NCOA1: variants seen among roughly 807,000 people sequenced by gnomAD.
NCOA1 encodes nuclear receptor coactivator 1, also known as Hin-2 protein.
In NCOA1, 35 loss-of-function variants were observed where a neutral mutation model predicts 150.9. The ratio of observed to expected loss-of-function variants is 0.23; its 90% CI spans 0.18 to 0.31. The LOEUF (loss-of-function observed/expected upper bound fraction) is 0.31. Ranked by LOEUF, NCOA1 falls within the 10% of genes least tolerant of loss-of-function variation. The pLI, the probability that NCOA1 is intolerant of heterozygous loss-of-function variation, is 1.00. For missense variants in NCOA1, 1,491 were observed against 1,749.3 expected, an observed-to-expected ratio of 0.85 and a Z score of 2.63; for synonymous variants, 590 against 630.0, an observed-to-expected ratio of 0.94 and a Z score of 0.95.
chr2:24,515,198 G>A, intron 1 of NCOA1, among the ~76,000 whole-genome samples: 1 of 152,026 alleles, frequency 6.6e-6, no homozygotes, highest in East Asian at 1.9e-4. Flanking sequence ...AACTTATTTT[G>A]GGGTCATTTA....
In NCOA1 at chr2:24,572,340, T is replaced by G. The variant is rs543953984; in HGVS notation, c.-260+7910T>G. Among the ~76,000 whole-genome samples the G allele has an allele frequency of 7.2e-5, 11 of 152,252 alleles. No individual in the cohort carries two copies. The South Asian group carries it at 2.1e-3, about 29-fold the overall frequency. ...CTGAGTTTGAGAAAGATTACTGACTTGAGTTGGTTTCCAAAAGAATACTTG... is the reference window on the plus strand; with the variant it reads ...CTGAGTTTGAGAAAGATTACTGACTGGAGTTGGTTTCCAAAAGAATACTTG... On this transcript the variant is annotated intron_variant, in intron 2 of 22. Transcript: ENST00000348332.
At chr2:24,593,015 A>T (rs56371233) in intron 3 of NCOA1, among the ~76,000 whole-genome samples, 4,195 of 152,136 alleles carry the variant, frequency 0.028, 62 homozygotes, top group African/African-American at 0.041. Context: ...TTCAAGATGG[A>T]TGAAGTCGTG....
At chr2:24,739,579 T>C (rs1433850461) in intron 18 of NCOA1, 46 bp downstream of exon 18, 6 of 1,401,952 alleles carry the variant, frequency 4.3e-6, no homozygotes, top group Middle Eastern at 1.8e-4. Context: ...TTAACCCACA[T>C]AGTGTTTCTT....
intron 3 of NCOA1, among the ~76,000 whole-genome samples, chr2:24,603,585 A>G (rs1024885176): frequency 1.3e-5 from 2 of 152,234 alleles, no homozygotes; most frequent in Admixed American, 6.5e-5. Flanking sequence ...AGTAGGTAAC[A>G]TCTTTAAAAA....
chr2:24,693,216 C>CT (rs1343951407), intron 9 of NCOA1, 36 bp from the exon 10 acceptor site: 2 of 1,574,206 alleles, frequency 1.3e-6, no homozygotes, highest in Admixed American at 3.3e-5. Flanking sequence ...ATTTTCTACT[C>CT]TCTATCCTTC....
chr2:24,506,962 A>C (rs568673343), intron 1 of NCOA1, among the ~76,000 whole-genome samples: 1 of 152,336 alleles, frequency 6.6e-6, no homozygotes, highest in East Asian at 1.9e-4. Context: ...TATTAAAACA[A>C]ACAGCTTTAT....
chr2:24,511,377 C>A (rs910508631), intron 1 of NCOA1, among the ~76,000 whole-genome samples: 1 of 152,166 alleles, frequency 6.6e-6, no homozygotes, highest in Non-Finnish European at 1.5e-5. Flanking sequence ...GTGGCTGCAC[C>A]ATTTTACATT....
intron 7 of NCOA1, among the ~76,000 whole-genome samples, chr2:24,678,891 C>A (rs1321569677): frequency 1.3e-5 from 2 of 152,262 alleles, no homozygotes; most frequent in Middle Eastern, 6.8e-3. Context: ...TTAATTAGAT[C>A]CTATTTGTTA....
intron 2 of NCOA1, among the ~76,000 whole-genome samples, chr2:24,576,170 G>GTTTTTTTTTT (rs869093026): frequency 8.6e-5 from 4 of 46,302 alleles, no homozygotes; most frequent in African/African-American, 1.9e-4. Context: ...TTTGTTTTTT[G>GTTTTTTTTTT]TTTTTTTTTT....
chr2:24,765,744 T>G (rs1173774380), intron 22 of NCOA1, among the ~76,000 whole-genome samples: 1 of 152,178 alleles, frequency 6.6e-6, no homozygotes, highest in Non-Finnish European at 1.5e-5. Flanking sequence ...ATCTGAAGCT[T>G]CTTTTGTGTC....
chr2:24,760,130 ACTTTTTTTTTTT>A (rs1317753772), intron 21 of NCOA1, among the ~76,000 whole-genome samples: 16 of 146,758 alleles, frequency 1.1e-4, no homozygotes, highest in African/African-American at 3.0e-4. Flanking sequence ...TCTTGCTTTA[ACTTTTTTTTTTT>A]CTTTTTTTTT....
At chr2:24,521,075 A>C (rs567109101) in intron 1 of NCOA1, among the ~76,000 whole-genome samples, 1 of 152,142 alleles carries the variant, frequency 6.6e-6, no homozygotes, top group African/African-American at 2.4e-5. Context: ...TCTTACCTTG[A>C]GTATCAAGGA....
intron 4 of NCOA1, among the ~76,000 whole-genome samples, chr2:24,646,092 C>A (rs1422940721): frequency 1.3e-5 from 2 of 152,122 alleles, no homozygotes; most frequent in Non-Finnish European, 2.9e-5. Flanking sequence ...CTAAGAAAGT[C>A]ATTTTCCTCA....
chr2:24,535,870 A>C (rs1665114915), intron 1 of NCOA1, among the ~76,000 whole-genome samples: 1 of 152,000 alleles, frequency 6.6e-6, no homozygotes, highest in Admixed American at 6.6e-5. Flanking sequence ...TTTCTCTTTG[A>C]CTGCCCTTAA....
At chr2:24,501,665 G>A (rs1663468148) in intron 1 of NCOA1, among the ~76,000 whole-genome samples, 1 of 152,136 alleles carries the variant, frequency 6.6e-6, no homozygotes, top group African/African-American at 2.4e-5. Context: ...TGGCTATCAT[G>A]ATTCTATACC....
chr2:24,517,609 C>G (rs543519067), intron 1 of NCOA1, among the ~76,000 whole-genome samples: 4 of 152,228 alleles, frequency 2.6e-5, no homozygotes, highest in East Asian at 3.9e-4. Flanking sequence ...ATTTATTTAT[C>G]TGGCTCAAAC....
At chr2:24,599,427 C>A (rs1434695851) in intron 3 of NCOA1, among the ~76,000 whole-genome samples, 1 of 152,168 alleles carries the variant, frequency 6.6e-6, no homozygotes, top group Non-Finnish European at 1.5e-5. Flanking sequence ...TCATCTCTCT[C>A]AGTATAGTCA....
At chr2:24,599,896 A>G (rs1200339116) in intron 3 of NCOA1, among the ~76,000 whole-genome samples, 2 of 151,760 alleles carry the variant, frequency 1.3e-5, no homozygotes, top group Admixed American at 6.6e-5. Flanking sequence ...ACGTCCGGCA[A>G]ATTTTTGTAT....
At position 24,739,632 on chromosome 2, in the gene NCOA1, T is replaced by C. The variant is rs1322703986; in HGVS notation, c.3303+99T>C. 6.2e-6 allele frequency: 5 copies of C among 811,740 alleles called. No individual in the cohort carries two copies. In the East Asian group the frequency reaches 7.7e-5, roughly 13 times the overall value. 50.3% of individuals were successfully genotyped at this position (811,740 alleles called of 1,614,324 possible). The stretch of plus-strand genomic sequence containing the variant: ...GTCTTTGAAATGGTCTGTGAGCTGA[T>C]CTTTTAATGATGTTTGTAGTGTAGT... On this transcript the variant is annotated intron_variant, in intron 18 of 22. Transcript: ENST00000348332.
Sources: gnomAD v4.1 joint callset for allele counts (sites outside exome capture counted in the v4.1 genomes callset) on GRCh38, gnomAD v4.1.1 for gene constraint, MANE v1.5 for transcripts, NCBI Gene and HGNC (gene_info 2026-07-23, HGNC 2026-07-21) for gene names.